Variants in CADPS observed in about 807,000 individuals in gnomAD.
CADPS encodes the protein calcium-dependent secretion activator 1.
CADPS carries 57 observed loss-of-function variants against 167.3 expected under a neutral mutation model. The ratio of observed to expected loss-of-function variants is 0.34; its 90% CI spans 0.28 to 0.42. CADPS has a LOEUF of 0.42. CADPS is among the 20% of genes least tolerant of loss of function. The probability of loss-of-function intolerance (pLI) is 1.00; values close to 1 mark genes in which losing one functional copy is unlikely to be tolerated. For synonymous variants in CADPS, 676 were observed against 635.3 expected (o/e 1.06, Z -0.96); for missense variants, 1,414 against 1,738.1 (o/e 0.81, Z 3.32).
At chr3:62,471,801 C>T (rs964458278) in intron 24 of CADPS, among the ~76,000 whole-genome samples, 1 of 151,788 alleles carries the variant, frequency 6.6e-6, no homozygotes, top group Non-Finnish European at 1.5e-5. Context: ...TAAAAGAAAC[C>T]TGTTATGTTT....
At chr3:62,797,744 A>G (rs944645385) in intron 1 of CADPS, among the ~76,000 whole-genome samples, 19 of 152,146 alleles carry the variant, frequency 1.2e-4, no homozygotes, top group Admixed American at 1.0e-3. Context: ...AGATAAAATA[A>G]TCTGTGTAAC....
intron 3 of CADPS, among the ~76,000 whole-genome samples, chr3:62,707,182 C>T (rs1208795963): frequency 6.6e-6 from 1 of 152,066 alleles, no homozygotes; most frequent in South Asian, 2.1e-4. Context: ...CCCAACAGAT[C>T]AGTGGTGACA....
intron 3 of CADPS, among the ~76,000 whole-genome samples, chr3:62,669,665 T>C (rs1181863013): frequency 6.6e-6 from 1 of 152,242 alleles, no homozygotes; most frequent in Non-Finnish European, 1.5e-5. Context: ...AGGAAAGTGA[T>C]TGGACCTCTC....
chr3:62,744,016 C>A (rs1341112940), intron 3 of CADPS, among the ~76,000 whole-genome samples: 1 of 152,190 alleles, frequency 6.6e-6, no homozygotes, highest in Non-Finnish European at 1.5e-5. Context: ...GCTTTGAAGT[C>A]TTGAAATGTT....
In CADPS at chr3:62,402,718, T is replaced by C. The variant is rs1339995952; in HGVS notation, c.3882+363A>G. Among the ~76,000 whole-genome samples, 7 of 152,238 alleles carry C rather than the reference T, an allele frequency of 4.6e-5. No individual in the cohort carries two copies. The East Asian group carries it at 1.3e-3, about 29-fold the overall frequency. On this transcript the variant is annotated intron_variant, in intron 29 of 29. Transcript: ENST00000383710. ...TTCTATTAAATTAATAGCGGCAACA[T>C]TTTATTTAATTAAACTATAAATGAA...
intron 28 of CADPS, among the ~76,000 whole-genome samples, chr3:62,426,792 G>A (rs989423088): frequency 6.6e-6 from 1 of 151,772 alleles, no homozygotes; most frequent in Non-Finnish European, 1.5e-5. Context: ...GGGCGGTCAG[G>A]CATGGTGGCT....
chr3:62,711,408 G>T (rs1342038872), intron 3 of CADPS, among the ~76,000 whole-genome samples: 1 of 152,146 alleles, frequency 6.6e-6, no homozygotes, highest in Non-Finnish European at 1.5e-5. Context: ...TACATTTCAG[G>T]TAAAGGTTAG....
At chr3:62,470,208 A>G (rs371623879) in intron 24 of CADPS, among the ~76,000 whole-genome samples, 8 of 152,240 alleles carry the variant, frequency 5.3e-5, no homozygotes, top group Admixed American at 2.6e-4. Flanking sequence ...ATATTACCCA[A>G]TGATGAAATC....
chr3:62,796,845 A>T (rs1245484097), intron 1 of CADPS, among the ~76,000 whole-genome samples: 2 of 152,224 alleles, frequency 1.3e-5, no homozygotes, highest in Admixed American at 1.3e-4. Context: ...GAATCAAAAA[A>T]TGTGTGACAG....
At chr3:62,726,997 G>A (rs2076865923) in intron 3 of CADPS, among the ~76,000 whole-genome samples, 1 of 151,840 alleles carries the variant, frequency 6.6e-6, no homozygotes, top group Non-Finnish European at 1.5e-5. Context: ...GAAGCACCTA[G>A]ACTGTCTTAG....
At chr3:62,801,383 G>A (rs890182367) in intron 1 of CADPS, among the ~76,000 whole-genome samples, 1 of 151,874 alleles carries the variant, frequency 6.6e-6, no homozygotes, top group Non-Finnish European at 1.5e-5. Flanking sequence ...ATTTGCCATA[G>A]GGATGATGTT....
chr3:62,476,739 G>A (rs1014401910), intron 23 of CADPS, among the ~76,000 whole-genome samples: 2 of 152,068 alleles, frequency 1.3e-5, no homozygotes, highest in African/African-American at 4.8e-5. Context: ...CTCCATGAAG[G>A]ACATGCATGT....
chr3:62,875,226 AGC>A lies in CADPS; in HGVS notation c.-199_-198del. The A allele has an allele frequency of 1.8e-6, 1 of 564,840 alleles. No individual in the cohort carries two copies. Among genetic ancestry groups the A allele is most frequent in the Non-Finnish European group, 2.6e-6 (1 of 385,216 alleles). 35.0% of individuals were successfully genotyped at this position (564,840 alleles called of 1,614,324 possible). A position where few individuals can be genotyped will look rare whatever the true frequency, so the allele number is the denominator to read the frequency against. ...GTCGCGAGCTGGGCTCAGACCCAGA[AGC>A]GCGAAGGGAGGAGGGGAAGGGAGAG... On this transcript the variant is annotated 5_prime_UTR_variant, in exon 1 of 30. Coordinates refer to ENST00000383710, the MANE Select transcript of CADPS (RefSeq NM_003716.4).
intron 3 of CADPS, among the ~76,000 whole-genome samples, chr3:62,722,353 C>T (rs2075987649): frequency 6.6e-6 from 1 of 152,182 alleles, no homozygotes; most frequent in Non-Finnish European, 1.5e-5. Flanking sequence ...CGGAAGGGAG[C>T]CAGAACCTTT....
At chr3:62,727,451 T>C (rs2076952601) in intron 3 of CADPS, among the ~76,000 whole-genome samples, 1 of 151,896 alleles carries the variant, frequency 6.6e-6, no homozygotes, top group Non-Finnish European at 1.5e-5. Context: ...TTGTTGATTT[T>C]ACAGGCCCAA....
At chr3:62,466,538 T>C in intron 24 of CADPS, 125 bp from the exon 25 acceptor site, 1 of 704,624 alleles carries the variant, frequency 1.4e-6, no homozygotes, top group Non-Finnish European at 2.6e-6. Flanking sequence ...ATTTCCTTAG[T>C]CCCAGAAATA....
intron 23 of CADPS, among the ~76,000 whole-genome samples, chr3:62,477,314 G>GTT (rs34963178): frequency 2.7e-4 from 38 of 139,170 alleles, no homozygotes; most frequent in African/African-American, 5.4e-4. Flanking sequence ...TGCAATCTGG[G>GTT]TTTTTTTTTT....
chr3:62,485,031 C>A (rs1156268404), intron 21 of CADPS, among the ~76,000 whole-genome samples: 1 of 152,092 alleles, frequency 6.6e-6, no homozygotes, highest in East Asian at 1.9e-4. Flanking sequence ...ATCTTTTACT[C>A]ATTATCACCC....
In CADPS at chr3:62,578,611, AAAAAAT is replaced by A. The variant is rs1374116059; in HGVS notation, c.1577+6568_1577+6573del. On this transcript the variant is annotated intron_variant, in intron 8 of 29. Transcript: ENST00000383710. ...GGTGACAGAGCAAGACTCCGTCTCA[AAAAAAT>A]AAAAAAAAAAAAAAGACTTAACAAT... 7.1e-3 allele frequency among the ~76,000 whole-genome samples: 376 copies of A among 52,970 alleles called. 12 individuals carry two copies. The highest frequency in any genetic ancestry group is 0.058 in the East Asian group (20 of 344). 34.8% of individuals were successfully genotyped at this position (52,970 alleles called of 152,430 possible). A position where few individuals can be genotyped will look rare whatever the true frequency, so the allele number is the denominator to read the frequency against.
Sources: allele counts gnomAD v4.1 joint callset (sites outside exome capture counted in the v4.1 genomes callset), GRCh38; gene constraint gnomAD v4.1.1; transcripts MANE v1.5; gene names NCBI Gene and HGNC (gene_info 2026-07-23, HGNC 2026-07-21).